Variants in TLE3 observed in about 807,000 individuals in gnomAD.
TLE3 encodes TLE family member 3, transcriptional corepressor.
A neutral mutation model predicts 93.0 loss-of-function variants in TLE3; 14 were observed. That is an observed-to-expected ratio of 0.15 (90% CI 0.10 to 0.24). The LOEUF (loss-of-function observed/expected upper bound fraction) is 0.24. TLE3 is among the 10% of genes least tolerant of loss of function. The pLI is 1.00. For missense variants in TLE3, 693 were observed against 1,046.6 expected (o/e 0.66, Z 4.66); for synonymous variants, 451 against 425.0 (o/e 1.06, Z -0.75).
At chr15:70,075,401 C>T (rs568485812) in intron 5 of TLE3, among the ~76,000 whole-genome samples, 1 of 152,246 alleles carries the variant, frequency 6.6e-6, no homozygotes, top group South Asian at 2.1e-4. Context: ...GCTTTCTCTC[C>T]TACTGGGCTG....
chr15:70,082,225 T>C (rs188786774), intron 4 of TLE3, among the ~76,000 whole-genome samples: 2 of 152,292 alleles, frequency 1.3e-5, no homozygotes, highest in Admixed American at 1.3e-4. Flanking sequence ...ATGATGTGAC[T>C]AAAAGAGGAT....
chr15:70,056,409 G>A (rs558091457), intron 13 of TLE3, 35 bp from the exon 14 acceptor site: 32 of 1,593,180 alleles, frequency 2.0e-5, no homozygotes, highest in East Asian at 6.7e-5. Flanking sequence ...TCCATCAGCC[G>A]TGCTGCCACA....
rs369490351 is a variant in TLE3, at chr15:70,079,385, G to A, written c.235-3227C>T. 72 of 482,816 alleles carry A rather than the reference G, an allele frequency of 1.5e-4. 3 individuals carry two copies. Among genetic ancestry groups the A allele is most frequent in the Admixed American group, 3.7e-4 (15 of 40,320 alleles). The allele number at this position is 482,816 out of a possible 1,614,324, so 29.9% of individuals were successfully genotyped here. On this transcript the variant is annotated intron_variant, in intron 4 of 19. Transcript: ENST00000451782. ...TAGGGTTGAGGCAGGCAGAGGGGAGGGGCTGGGCTTACGTTGGGAGAACCT... is the reference window on the plus strand; with the variant it reads ...TAGGGTTGAGGCAGGCAGAGGGGAGAGGCTGGGCTTACGTTGGGAGAACCT...
At position 70,097,569 on chromosome 15, in the gene TLE3, C is replaced by T. The variant is rs937582114; in HGVS notation, c.-771G>A. On this transcript the variant is annotated 5_prime_UTR_variant, in exon 1 of 20. Transcript: ENST00000451782. ...AAGTCCAGCGGGCACGGGAAGCCTC[C>T]GCAAAGGGTTCTCGCTGCTCCCAGC... is the stretch of plus-strand genomic sequence containing the variant. The T allele has an allele frequency of 1.5e-5, 6 of 399,140 alleles. No homozygotes were observed. The highest frequency in any genetic ancestry group is 8.2e-5 in the African/African-American group (4 of 48,620). The allele number at this position is 399,140 out of a possible 1,614,324, so 24.7% of individuals were successfully genotyped here. A position where few individuals can be genotyped will look rare whatever the true frequency, so the allele number is the denominator to read the frequency against.
rs2270867 is a variant in TLE3, at chr15:70,064,399, C to T, written c.594+55G>A. The T allele has an allele frequency of 0.021, 33,548 of 1,609,048 alleles. 1,398 individuals carry two copies. Among genetic ancestry groups the T allele is most frequent in the East Asian group, 0.2 (8,827 of 44,714 alleles). On this transcript the variant is annotated intron_variant, in intron 8 of 19. Coordinates refer to ENST00000451782, the MANE Select transcript of TLE3 (RefSeq NM_001105192.3). ...CCCGCGATTCTGGGAGCCCCGAGTC[C>T]CACCTCCTCCCAGCACCCAAACACC...
At chr15:70,051,010 G>A (rs1485868488) in intron 19 of TLE3, 2 of 172,088 alleles carry the variant, frequency 1.2e-5, no homozygotes, top group Admixed American at 1.2e-4. Context: ...CACTTGAGGA[G>A]GCAACACTGC....
intron 4 of TLE3, among the ~76,000 whole-genome samples, chr15:70,080,448 A>G (rs1396382577): frequency 6.6e-6 from 1 of 152,218 alleles, no homozygotes; most frequent in Non-Finnish European, 1.5e-5. Flanking sequence ...TCTACTAGAT[A>G]CAGACAGAGA....
At chr15:70,080,133 G>A (rs138757625) in intron 4 of TLE3, among the ~76,000 whole-genome samples, 1 of 151,416 alleles carries the variant, frequency 6.6e-6, no homozygotes, top group Non-Finnish European at 1.5e-5. Context: ...ACTGGAACTC[G>A]ATCGTATGTT....
rs1027534775 is a variant in TLE3, at chr15:70,049,964, C to T, written c.*133G>A. The T allele has an allele frequency of 4.5e-5, 31 of 695,728 alleles. No individual in the cohort carries two copies. The highest frequency in any genetic ancestry group is 7.0e-4 in the Middle Eastern group (2 of 2,842). 43.1% of individuals were successfully genotyped at this position (695,728 alleles called of 1,614,324 possible). On this transcript the variant is annotated 3_prime_UTR_variant, in exon 20 of 20. Transcript: ENST00000451782. ...CGGGGCACGTGCCCTCTCAGCCGGC[C>T]GGAGCGCAGCCCTGAACGCTCGGCT...
chr15:70,081,254 T>C (rs2057763545), intron 4 of TLE3, among the ~76,000 whole-genome samples: 1 of 152,264 alleles, frequency 6.6e-6, no homozygotes, highest in African/African-American at 2.4e-5. Flanking sequence ...TTTAGAGTTT[T>C]AGAACCCTAA....
intron 4 of TLE3, among the ~76,000 whole-genome samples, chr15:70,081,167 C>T (rs146328933): frequency 5.3e-5 from 8 of 152,312 alleles, no homozygotes; most frequent in Non-Finnish European, 7.4e-5. Context: ...AAATCACTTC[C>T]CTTCTCTAGG....
intron 6 of TLE3, among the ~76,000 whole-genome samples, chr15:70,069,221 G>A (rs1010436761): frequency 1.3e-5 from 2 of 152,168 alleles, no homozygotes; most frequent in Admixed American, 1.3e-4. Flanking sequence ...TATATGAAGA[G>A]GCTGAGAAAT....
intron 4 of TLE3, among the ~76,000 whole-genome samples, chr15:70,088,903 G>A (rs531829855): frequency 4.8e-4 from 64 of 133,426 alleles, no homozygotes; most frequent in African/African-American, 1.6e-3. Flanking sequence ...CCCACCCCGC[G>A]GCAGATGGAC....
At chr15:70,089,716 T>C (rs992810498) in intron 4 of TLE3, among the ~76,000 whole-genome samples, 2 of 152,196 alleles carry the variant, frequency 1.3e-5, no homozygotes, top group Non-Finnish European at 2.9e-5. Flanking sequence ...CTGCCAAGCT[T>C]AGGTCTTTGT....
intron 19 of TLE3, 158 bp from the exon 20 acceptor site, chr15:70,050,362 G>T: frequency 1.8e-6 from 1 of 555,706 alleles, no homozygotes; most frequent in Non-Finnish European, 3.2e-6. Context: ...AGCACAGTGC[G>T]GTGAAGAGGA....
intron 9 of TLE3, 48 bp downstream of exon 9, chr15:70,060,482 G>T: frequency 6.2e-7 from 1 of 1,609,230 alleles, no homozygotes; most frequent in Non-Finnish European, 8.5e-7. Context: ...GACACCCCCT[G>T]CCCTACCCAA....
At chr15:70,075,695 C>T (rs767552355) in intron 5 of TLE3, among the ~76,000 whole-genome samples, 17 of 152,162 alleles carry the variant, frequency 1.1e-4, no homozygotes, top group African/African-American at 3.1e-4. Context: ...GGAAGGTAGG[C>T]GTAGAAAGTG....
chr15:70,055,886 A>G, intron 14 of TLE3: 1 of 303,168 alleles, frequency 3.3e-6, no homozygotes, highest in Non-Finnish European at 6.3e-6. Flanking sequence ...GGCCGGGGAG[A>G]GTGTGCCCTC....
At chr15:70,092,817 G>A (rs999442332) in intron 4 of TLE3, among the ~76,000 whole-genome samples, 1 of 152,178 alleles carries the variant, frequency 6.6e-6, no homozygotes, top group South Asian at 2.1e-4. Context: ...ACAGACATGC[G>A]GAACACCACC....
Sources: allele counts gnomAD v4.1 joint callset (sites outside exome capture counted in the v4.1 genomes callset), GRCh38; gene constraint gnomAD v4.1.1; transcripts MANE v1.5; gene names NCBI Gene and HGNC (gene_info 2026-07-23, HGNC 2026-07-21).